Variants in TANC2 observed in about 807,000 individuals in gnomAD.
TANC2 encodes the protein protein TANC2.
TANC2 carries 26 observed loss-of-function variants against 210.5 expected under a neutral mutation model. The ratio of observed to expected loss-of-function variants is 0.12; its 90% CI spans 0.09 to 0.17. The LOEUF is 0.17. TANC2 is among the 10% of genes least tolerant of loss of function. The pLI is 1.00. For synonymous variants in TANC2, 931 were observed against 967.1 expected, an observed-to-expected ratio of 0.96 and a Z score of 0.69; for missense variants, 2,129 against 2,608.9, an observed-to-expected ratio of 0.82 and a Z score of 4.01.
chr17:63,349,019 T>G (rs1010624422), intron 12 of TANC2, among the ~76,000 whole-genome samples: 3 of 152,154 alleles, frequency 2.0e-5, no homozygotes, highest in Non-Finnish European at 2.9e-5. Context: ...ATGATATCCT[T>G]AGATAAATAT....
chr17:63,161,471 G>T (rs1179670014), intron 5 of TANC2, among the ~76,000 whole-genome samples: 1 of 152,090 alleles, frequency 6.6e-6, no homozygotes, highest in African/African-American at 2.4e-5. Context: ...CTTGTTTCCA[G>T]TTCTCATTTT....
intron 14 of TANC2, among the ~76,000 whole-genome samples, chr17:63,376,984 A>C (rs181277815): frequency 6.6e-4 from 101 of 152,118 alleles, no homozygotes; most frequent in African/African-American, 2.4e-3. Context: ...TGCCCAGCTA[A>C]TTTTTTGTAT....
chr17:63,152,002 A>G (rs912301293), intron 5 of TANC2: 1 of 152,106 alleles, frequency 6.6e-6, no homozygotes, highest in African/African-American at 2.4e-5. Flanking sequence ...ACTGAGAAAG[A>G]CTCATTATCA....
Position 63,244,749 on chromosome 17 carries a change from A to G in TANC2, c.1033+6672A>G, listed in dbSNP as rs542017181. Among the ~76,000 whole-genome samples, 5 of 152,294 alleles carry G rather than the reference A, an allele frequency of 3.3e-5. No individual in the cohort carries two copies. In the East Asian group the frequency reaches 9.6e-4, roughly 29 times the overall value. On this transcript the variant is annotated intron_variant, in intron 8 of 27. Transcript: ENST00000689528. Reference sequence around the variant, plus strand: ...TATGATTTGGCTGTGTCCCCACCCAAAACTCATTTTGAATCATAGCTCCCA... The same window carrying G: ...TATGATTTGGCTGTGTCCCCACCCAGAACTCATTTTGAATCATAGCTCCCA...
At chr17:63,278,756 G>A (rs1490298687) in intron 9 of TANC2, among the ~76,000 whole-genome samples, 2 of 152,102 alleles carry the variant, frequency 1.3e-5, no homozygotes, top group Non-Finnish European at 2.9e-5. Flanking sequence ...TCAAGAAAAT[G>A]TGGTCTATAT....
chr17:63,158,567 A>G (rs1389923423), intron 5 of TANC2, among the ~76,000 whole-genome samples: 2 of 152,174 alleles, frequency 1.3e-5, no homozygotes, highest in Non-Finnish European at 2.9e-5. Context: ...AGTCACTTAA[A>G]ATCCTCTTAG....
intron 5 of TANC2, among the ~76,000 whole-genome samples, chr17:63,166,486 A>G (rs1458580607): frequency 6.6e-6 from 1 of 152,364 alleles, no homozygotes; most frequent in East Asian, 1.9e-4. Flanking sequence ...TCGTAGAAGC[A>G]TAGATTTCTA....
chr17:62,973,624 C>G (rs538516111), intron 1 of TANC2, among the ~76,000 whole-genome samples: 2 of 152,130 alleles, frequency 1.3e-5, no homozygotes, highest in Admixed American at 1.3e-4. Context: ...TAAAACTAAC[C>G]CTAAAGATAA....
exon 28 of TANC2, chr17:63,426,466 T>A (rs2147467691): frequency 6.6e-6 from 1 of 152,308 alleles, no homozygotes; most frequent in Middle Eastern, 3.4e-3. Context: ...TTTCATCAAC[T>A]CCTTTTGTCA....
At chr17:63,272,278 T>A (rs933661434) in intron 9 of TANC2, among the ~76,000 whole-genome samples, 1 of 152,168 alleles carries the variant, frequency 6.6e-6, no homozygotes, top group Admixed American at 6.6e-5. Flanking sequence ...GTTTGCAGTC[T>A]TATTTCCTGG....
At chr17:63,266,479 TAC>T (rs2043531210) in intron 8 of TANC2, among the ~76,000 whole-genome samples, 2 of 152,194 alleles carry the variant, frequency 1.3e-5, no homozygotes, top group Non-Finnish European at 2.9e-5. Context: ...GATGTAAGTT[TAC>T]TTACTGTCAT....
intron 12 of TANC2, among the ~76,000 whole-genome samples, chr17:63,350,125 T>C (rs528699449): frequency 1.6e-4 from 24 of 152,310 alleles, no homozygotes; most frequent in South Asian, 8.3e-4. Flanking sequence ...CTGTATATTT[T>C]CAAATATGGA....
At chr17:63,247,710 C>T (rs2042955527) in intron 8 of TANC2, among the ~76,000 whole-genome samples, 1 of 152,080 alleles carries the variant, frequency 6.6e-6, no homozygotes, top group South Asian at 2.1e-4. Flanking sequence ...AATATACCAT[C>T]AGAGATCAGA....
intron 2 of TANC2, among the ~76,000 whole-genome samples, chr17:63,030,750 G>A (rs1174207525): frequency 6.6e-6 from 1 of 152,006 alleles, no homozygotes; most frequent in Non-Finnish European, 1.5e-5. Context: ...CTAAAATAAA[G>A]TCAGCGTTCT....
intron 6 of TANC2, among the ~76,000 whole-genome samples, chr17:63,195,065 A>G (rs573942003): frequency 1.3e-5 from 2 of 152,322 alleles, no homozygotes; most frequent in East Asian, 3.9e-4. Context: ...AATGAGATAT[A>G]CAAGGATTAT....
At chr17:63,056,719 G>A (rs2035819886) in intron 2 of TANC2, among the ~76,000 whole-genome samples, 1 of 152,130 alleles carries the variant, frequency 6.6e-6, no homozygotes, top group African/African-American at 2.4e-5. Flanking sequence ...GATTATGATT[G>A]TGTCAAAATT....
At chr17:63,307,103 G>A (rs947570835) in intron 9 of TANC2, among the ~76,000 whole-genome samples, 2 of 152,204 alleles carry the variant, frequency 1.3e-5, no homozygotes, top group African/African-American at 2.4e-5. Flanking sequence ...GCCTGCAGGG[G>A]TAGGTAGGCA....
chr17:63,149,711 T>C (rs1048713097), intron 4 of TANC2: 2 of 152,172 alleles, frequency 1.3e-5, no homozygotes, highest in African/African-American at 4.8e-5. Flanking sequence ...GATTCTAATA[T>C]TGGCTATTAG....
intron 4 of TANC2, among the ~76,000 whole-genome samples, chr17:63,121,404 A>G (rs530513992): frequency 1.3e-5 from 2 of 152,186 alleles, no homozygotes; most frequent in East Asian, 1.9e-4. Context: ...CAGGGGAAGC[A>G]TTCTCTTAGT....
Sources: gnomAD v4.1 joint callset for allele counts (sites outside exome capture counted in the v4.1 genomes callset) on GRCh38, gnomAD v4.1.1 for gene constraint, MANE v1.5 for transcripts, NCBI Gene and HGNC (gene_info 2026-07-23, HGNC 2026-07-21) for gene names.